BCAS3: variants seen among roughly 807,000 people sequenced by gnomAD.
BCAS3 encodes the protein BCAS3 microtubule associated cell migration factor.
BCAS3 carries 53 observed loss-of-function variants against 116.1 expected under a neutral mutation model. The ratio of observed to expected loss-of-function variants is 0.46; its 90% CI spans 0.37 to 0.57. The LOEUF (loss-of-function observed/expected upper bound fraction) is 0.57, where lower values mean the gene tolerates loss of function less well. BCAS3 is among the 20% of genes least tolerant of loss of function. The pLI, the probability that BCAS3 is intolerant of heterozygous loss-of-function variation, is 0.00. For missense variants in BCAS3, 917 were observed against 1,165.4 expected, an observed-to-expected ratio of 0.79 and a Z score of 3.10; for synonymous variants, 391 against 408.2, an observed-to-expected ratio of 0.96 and a Z score of 0.51.
intron 5 of BCAS3, among the ~76,000 whole-genome samples, chr17:60,725,427 AC>A (rs2039717508): frequency 6.6e-6 from 1 of 152,162 alleles, no homozygotes; most frequent in Admixed American, 6.6e-5. Context: ...CCATTCAGCC[AC>A]ACTGAAATGT....
At chr17:61,027,024 G>A (rs2066294628) in intron 16 of BCAS3, 2 of 835,552 alleles carry the variant, frequency 2.4e-6, no homozygotes, top group South Asian at 2.0e-5. Flanking sequence ...GATGCACCAA[G>A]TTACTGAATA....
intron 6 of BCAS3, among the ~76,000 whole-genome samples, chr17:60,758,366 T>G (rs1183762773): frequency 2.0e-5 from 3 of 152,156 alleles, no homozygotes; most frequent in African/African-American, 7.2e-5. Context: ...TACTTTGTAT[T>G]GTTTTTTGAG....
chr17:61,283,736 A>G (rs1234341042), intron 22 of BCAS3, among the ~76,000 whole-genome samples: 1 of 152,108 alleles, frequency 6.6e-6, no homozygotes, highest in African/African-American at 2.4e-5. Flanking sequence ...TACAGGCGTG[A>G]GCCACCGCAC....
rs1009148666 is a variant in BCAS3, at chr17:61,134,896, T to G, written c.2425+50332T>G. Among the ~76,000 whole-genome samples the G allele has an allele frequency of 6.6e-6, 1 of 150,848 alleles. No homozygotes were observed. The highest frequency in any genetic ancestry group is 2.4e-5 in the African/African-American group (1 of 40,982). On this transcript the variant is annotated intron_variant, in intron 22 of 23. Coordinates refer to ENST00000407086, the MANE Select transcript of BCAS3 (RefSeq NM_017679.5). The surrounding 1 kb of genome is among the most constrained non-coding windows in gnomAD (Gnocchi z 4.6). ...ACTTTTCTCTTAGATTGTTGTTTTGTTTTTTTTTGAAATAAAACATTTGTA... is the reference window on the plus strand; with the variant it reads ...ACTTTTCTCTTAGATTGTTGTTTTGGTTTTTTTTGAAATAAAACATTTGTA...
At position 61,240,071 on chromosome 17, in the gene BCAS3, T is replaced by C. The variant is rs563856401; in HGVS notation, c.2426-128256T>C. On this transcript the variant is annotated intron_variant, in intron 22 of 23. Transcript: ENST00000407086. ...GTGTTTTGGTGAAGAGAAAAGCATC[T>C]TGTAGATGTTTGAGATCTGTAACCA... Among the ~76,000 whole-genome samples, 8 of 152,258 alleles carry C rather than the reference T, an allele frequency of 5.3e-5. No homozygotes were observed. In the South Asian group the frequency reaches 1.7e-3, roughly 32 times the overall value.
Position 60,758,615 on chromosome 17 carries a change from C to T in BCAS3, c.403+11336C>T, listed in dbSNP as rs562178624. ...CAGGCTGGTCTCAAACTCCTGACCTCAGGTAATTCACCTGCCTTGGCTTCC... is the reference window on the plus strand; with the variant it reads ...CAGGCTGGTCTCAAACTCCTGACCTTAGGTAATTCACCTGCCTTGGCTTCC... On this transcript the variant is annotated intron_variant, in intron 6 of 23. Coordinates refer to ENST00000407086, the MANE Select transcript of BCAS3 (RefSeq NM_017679.5). Among the ~76,000 whole-genome samples, 9 of 152,126 alleles carry T rather than the reference C, an allele frequency of 5.9e-5. No individual in the cohort carries two copies. The South Asian group carries it at 1.9e-3, about 32-fold the overall frequency.
intron 13 of BCAS3, among the ~76,000 whole-genome samples, chr17:60,925,351 C>G (rs746991731): frequency 3.3e-5 from 5 of 152,156 alleles, no homozygotes; most frequent in Non-Finnish European, 5.9e-5. Flanking sequence ...AGTATTGCGT[C>G]TACATCATTT....
rs755857591 is a variant in BCAS3, at chr17:60,989,952, T to C, written c.1222-19T>C. The C allele has an allele frequency of 1.9e-6, 3 of 1,606,008 alleles. No individual in the cohort carries two copies. The African/African-American group carries it at 4.0e-5, about 22-fold the overall frequency. The stretch of plus-strand genomic sequence containing the variant: ...AGTAGTTTGAGACATTTTTGTATCT[T>C]TTCTTATCTCATTTCTAGGTACAGG... On this transcript the variant is annotated intron_variant, in intron 14 of 23. Transcript: ENST00000407086.
chr17:61,350,581 G>T (rs2057776790), intron 22 of BCAS3, among the ~76,000 whole-genome samples: 1 of 151,696 alleles, frequency 6.6e-6, no homozygotes. Flanking sequence ...TCTGTCAGTG[G>T]ATGAATGGAT....
intron 22 of BCAS3, among the ~76,000 whole-genome samples, chr17:61,273,819 T>TGTATAG (rs2050522952): frequency 6.6e-6 from 1 of 151,510 alleles, no homozygotes; most frequent in Non-Finnish European, 1.5e-5. Flanking sequence ...GTCTCTGTAG[T>TGTATAG]GTTTAATCTT....
intron 15 of BCAS3, among the ~76,000 whole-genome samples, chr17:61,014,758 A>G (rs2065336838): frequency 6.6e-6 from 1 of 152,236 alleles, no homozygotes; most frequent in Non-Finnish European, 1.5e-5. Context: ...AGAAGACATT[A>G]TTAGAACTAA....
intron 22 of BCAS3, among the ~76,000 whole-genome samples, chr17:61,201,281 C>A (rs1483459911): frequency 6.6e-6 from 1 of 152,210 alleles, no homozygotes; most frequent in Non-Finnish European, 1.5e-5. Context: ...ACTTGCCTGA[C>A]TCACAAGAGC....
intron 22 of BCAS3, among the ~76,000 whole-genome samples, chr17:61,342,090 C>T (rs1485790555): frequency 6.6e-6 from 1 of 151,450 alleles, no homozygotes; most frequent in Non-Finnish European, 1.5e-5. Flanking sequence ...GCAACCTCCA[C>T]CCCTCAGGGT....
chr17:60,829,236 T>C (rs947399615), intron 7 of BCAS3, among the ~76,000 whole-genome samples: 1 of 152,088 alleles, frequency 6.6e-6, no homozygotes, highest in Non-Finnish European at 1.5e-5. Flanking sequence ...GGCTCACACC[T>C]GTAATCCCAG....
At chr17:60,867,840 A>T (rs2054752194) in intron 7 of BCAS3, among the ~76,000 whole-genome samples, 1 of 152,076 alleles carries the variant, frequency 6.6e-6, no homozygotes, top group Non-Finnish European at 1.5e-5. Context: ...ATTTTTTCCT[A>T]CATCCTGATT....
chr17:61,070,381 A>ATATATATATG (rs1555698500), intron 19 of BCAS3: 1 of 148,652 alleles, frequency 6.7e-6, no homozygotes, highest in Non-Finnish European at 1.3e-5. Context: ...ATATATATAT[A>ATATATATATG]TATATATATA....
At chr17:60,965,409 A>G (rs2061607225) in intron 14 of BCAS3, among the ~76,000 whole-genome samples, 2 of 151,998 alleles carry the variant, frequency 1.3e-5, no homozygotes, top group Middle Eastern at 6.8e-3. Flanking sequence ...TTTAGTAGAG[A>G]TGGAGTTTCA....
chr17:60,817,485 A>G (rs2049533709), intron 7 of BCAS3, among the ~76,000 whole-genome samples: 1 of 152,254 alleles, frequency 6.6e-6, no homozygotes. Flanking sequence ...CACATTACAC[A>G]CATTACGTGA....
At position 60,832,652 on chromosome 17, in the gene BCAS3, A is replaced by AT. The variant is rs1446640119; in HGVS notation, c.476+24582dup. Among the ~76,000 whole-genome samples, 4 of 152,254 alleles carry AT rather than the reference A, an allele frequency of 2.6e-5. No individual in the cohort carries two copies. In the South Asian group the frequency reaches 8.3e-4, roughly 32 times the overall value. On this transcript the variant is annotated intron_variant, in intron 7 of 23. Coordinates refer to ENST00000407086, the MANE Select transcript of BCAS3 (RefSeq NM_017679.5). ...TTTAGATTCCAAATGTAAAGAGGTT[A>AT]TTTTTTATAATTGAGAAGAAACATT...
Sources: allele counts gnomAD v4.1 joint callset (sites outside exome capture counted in the v4.1 genomes callset), GRCh38; gene constraint gnomAD v4.1.1; non-coding constraint Gnocchi (gnomAD v3.1); transcripts MANE v1.5; gene names NCBI Gene and HGNC (gene_info 2026-07-23, HGNC 2026-07-21).